The following TRMT11 variants were observed in gnomAD, a reference collection of about 807,000 sequenced individuals.
The protein encoded by TRMT11 is tRNA methyltransferase 11.
A neutral mutation model predicts 62.8 loss-of-function variants in TRMT11; 53 were observed. The ratio of observed to expected loss-of-function variants is 0.84; its 90% confidence interval spans 0.68 to 1.06. The LOEUF is 1.06. TRMT11 is among the 50% of genes least tolerant of loss of function. TRMT11 has a pLI of 0.00. For synonymous variants in TRMT11, 188 were observed against 190.3 expected, an observed-to-expected ratio of 0.99 and a Z score of 0.10; for missense variants, 556 against 553.4, an observed-to-expected ratio of 1.00 and a Z score of -0.05.
downstream of TRMT11, among the ~76,000 whole-genome samples, chr6:126,203,161 C>T (rs139164050): frequency 3.2e-3 from 481 of 152,296 alleles, 1 homozygote; most frequent in African/African-American, 0.011. Flanking sequence ...GCACAGGGCC[C>T]TGAGCTCAGA....
upstream of TRMT11, among the ~76,000 whole-genome samples, chr6:126,174,605 A>G (rs1778364914): frequency 1.3e-5 from 2 of 152,198 alleles, no homozygotes; most frequent in Admixed American, 6.5e-5. Flanking sequence ...GTTAATATAA[A>G]TGCTTTCTGT....
intron 16 of TRMT11, among the ~76,000 whole-genome samples, chr6:126,046,044 T>G (rs544639497): frequency 6.6e-6 from 1 of 152,034 alleles, no homozygotes; most frequent in South Asian, 2.1e-4. Flanking sequence ...TGAATTGAGT[T>G]TACCGTTCTG....
In TRMT11 at chr6:126,072,267, T is replaced by G. The variant is rs549302100; in HGVS notation, c.*1437+19077T>G. Among the ~76,000 whole-genome samples the G allele has an allele frequency of 3.6e-4, 55 of 152,346 alleles. No homozygotes were observed. The South Asian group carries it at 9.9e-3, about 28-fold the overall frequency. On this transcript the variant is annotated intron_variant and NMD_transcript_variant, in intron 17 of 22. Transcript: ENST00000648977. ...CTCTGAAGTTGAACTAATGCTGCCC[T>G]TTAGCATAAGGTCATAGAACACATG...
At chr6:126,144,507 T>C (rs2128217531) in intron 21 of TRMT11, among the ~76,000 whole-genome samples, 1 of 152,302 alleles carries the variant, frequency 6.6e-6, no homozygotes, top group Middle Eastern at 3.4e-3. Context: ...GGAAGCAGTT[T>C]GTATGGCCGG....
At chr6:126,082,756 T>G (rs1178793154) in intron 17 of TRMT11, among the ~76,000 whole-genome samples, 2 of 152,172 alleles carry the variant, frequency 1.3e-5, no homozygotes, top group Non-Finnish European at 2.9e-5. Flanking sequence ...ATGTCCTATT[T>G]AAATTGTTCT....
chr6:126,131,803 T>A (rs75612387), intron 21 of TRMT11, among the ~76,000 whole-genome samples: 2 of 152,148 alleles, frequency 1.3e-5, no homozygotes, highest in East Asian at 1.9e-4. Context: ...CTTTTTTTTT[T>A]AAGAAAGTCC....
chr6:126,201,652 A>T (rs1778735565), intron 3 of TRMT11, among the ~76,000 whole-genome samples: 1 of 152,082 alleles, frequency 6.6e-6, no homozygotes, highest in African/African-American at 2.4e-5. Flanking sequence ...GATGGTTTAT[A>T]TCTTGGTTCT....
intron 1 of TRMT11, chr6:125,987,310 A>C (rs148712385): frequency 6.6e-6 from 1 of 152,254 alleles, no homozygotes; most frequent in South Asian, 2.1e-4. Flanking sequence ...AGAGGAGATG[A>C]CACTTGAAAT....
At chr6:126,114,304 A>G (rs1260958247) in intron 18 of TRMT11, among the ~76,000 whole-genome samples, 1 of 152,090 alleles carries the variant, frequency 6.6e-6, no homozygotes, top group Non-Finnish European at 1.5e-5. Context: ...TCCAGTCTAG[A>G]ACAGAGAGCT....
the TRMT11 span, among the ~76,000 whole-genome samples, chr6:126,230,899 G>A: frequency 6.6e-6 from 1 of 152,104 alleles, no homozygotes; most frequent in Non-Finnish European, 1.5e-5. Flanking sequence ...AATACCTTAA[G>A]GAATAATACG....
chr6:126,090,793 C>T (rs567169401), intron 17 of TRMT11, among the ~76,000 whole-genome samples: 32 of 152,206 alleles, frequency 2.1e-4, no homozygotes, highest in African/African-American at 6.0e-4. Context: ...CATACACGTG[C>T]GGTATGGGTG....
rs113557278 is a variant in TRMT11, at chr6:126,094,092, TACAC to T, written c.*1438-18753_*1438-18750del. On this transcript the variant is annotated intron_variant and NMD_transcript_variant, in intron 17 of 22. Coordinates refer to the TRMT11 transcript ENST00000648977. ...CCAAGCAGTGTAATAGAAAATGTGA[TACAC>T]ACACACACACACACACACACCCCAA... Among the ~76,000 whole-genome samples, 314 of 147,870 alleles carry T rather than the reference TACAC, an allele frequency of 2.1e-3. 1 individual carries two copies. The highest frequency in any genetic ancestry group is 3.1e-3 in the Non-Finnish European group (209 of 66,416).
At chr6:126,018,906 A>G (rs2092582) in intron 11 of TRMT11, among the ~76,000 whole-genome samples, 107,944 of 151,960 alleles carry the variant, frequency 0.71, 38,915 homozygotes, top group East Asian at 0.95. Context: ...TTTTGAGACA[A>G]TTTCGCTCTT....
the TRMT11 span, among the ~76,000 whole-genome samples, chr6:126,226,489 A>C: frequency 6.6e-6 from 1 of 152,178 alleles, no homozygotes; most frequent in Non-Finnish European, 1.5e-5. Context: ...CTGTGCTCGC[A>C]TTAAAGAAAA....
At chr6:126,212,824 TG>T in the TRMT11 span, among the ~76,000 whole-genome samples, 2 of 152,100 alleles carry the variant, frequency 1.3e-5, no homozygotes, top group African/African-American at 2.4e-5. Flanking sequence ...TGCCTGTGCT[TG>T]TGGGGTATTA....
At chr6:126,126,594 G>T (rs914382757) in intron 21 of TRMT11, among the ~76,000 whole-genome samples, 2 of 152,098 alleles carry the variant, frequency 1.3e-5, no homozygotes, top group Middle Eastern at 3.4e-3. Context: ...CAAACCTCAC[G>T]CTGTGCCTTC....
chr6:126,070,932 C>T lies in TRMT11; in HGVS notation c.*1437+17742C>T, dbSNP rs573936257. ...TCTGACTCCCAGCCACTACGCCATT[C>T]GCTGTGCCTGGCAGGCCACAGTGAT... On this transcript the variant is annotated intron_variant and NMD_transcript_variant, in intron 17 of 22. Coordinates refer to the TRMT11 transcript ENST00000648977. Among the ~76,000 whole-genome samples, 66 of 152,276 alleles carry T rather than the reference C, an allele frequency of 4.3e-4. No individual in the cohort carries two copies. The South Asian group carries it at 0.013, about 31-fold the overall frequency.
chr6:126,138,608 A>G (rs1777879186), intron 21 of TRMT11, among the ~76,000 whole-genome samples: 1 of 152,044 alleles, frequency 6.6e-6, no homozygotes, highest in Non-Finnish European at 1.5e-5. Flanking sequence ...AAAGTTTGCT[A>G]TTATTTTTAA....
chr6:126,028,325 C>T (rs1330701759), intron 12 of TRMT11, among the ~76,000 whole-genome samples: 2 of 152,060 alleles, frequency 1.3e-5, no homozygotes, highest in Non-Finnish European at 2.9e-5. Context: ...ACACTAAAGA[C>T]GTATTGGACA....
Sources: gnomAD v4.1 joint callset for allele counts (sites outside exome capture counted in the v4.1 genomes callset) on GRCh38, gnomAD v4.1.1 for gene constraint, MANE v1.5 for transcripts, NCBI Gene and HGNC (gene_info 2026-07-23, HGNC 2026-07-21) for gene names.